Variants in HAVCR2 observed in about 807,000 individuals in gnomAD.
HAVCR2 encodes hepatitis A virus cellular receptor 2.
HAVCR2 carries 13 observed loss-of-function variants against 24.7 expected under a neutral mutation model. The observed-to-expected ratio is 0.53, with a 90% confidence interval of 0.34 to 0.84. The LOEUF (loss-of-function observed/expected upper bound fraction) is 0.84. HAVCR2 is among the 40% of genes least tolerant of loss of function. The probability of loss-of-function intolerance (pLI) is 0.01; values close to 1 mark genes in which losing one functional copy is unlikely to be tolerated. For synonymous variants in HAVCR2, 154 were observed against 143.4 expected (o/e 1.07, Z -0.53); for missense variants, 343 against 371.2 (o/e 0.92, Z 0.62).
chr5:157,098,960 C>T lies in HAVCR2; in HGVS notation c.479-59G>A, dbSNP rs548283426. The T allele has an allele frequency of 2.0e-4, 298 of 1,504,548 alleles. 3 individuals are homozygous for T. The highest frequency in any genetic ancestry group is 1.9e-3 in the South Asian group (159 of 82,916). 93.2% of individuals were successfully genotyped at this position (1,504,548 alleles called of 1,614,324 possible). On this transcript the variant is annotated intron_variant, in intron 3 of 6. Coordinates refer to ENST00000307851, the MANE Select transcript of HAVCR2 (RefSeq NM_032782.5). ...AAATAGCCAATAGTATAGTTAAGAA[C>T]GTTTTCTTTTATCTAAGTTTTTAAA...
chr5:157,092,909 A>AAAAC (rs1757027554), intron 5 of HAVCR2, among the ~76,000 whole-genome samples: 1 of 115,478 alleles, frequency 8.7e-6, no homozygotes, highest in Non-Finnish European at 1.7e-5. Context: ...AAAAAAAAAA[A>AAAAC]AAAAAAAAAC....
intron 3 of HAVCR2, among the ~76,000 whole-genome samples, chr5:157,100,527 C>T (rs1452833565): frequency 3.3e-5 from 5 of 152,172 alleles, no homozygotes; most frequent in African/African-American, 1.2e-4. Context: ...GCCCTGACCT[C>T]ATGAACACTG....
At chr5:157,087,875 C>A (rs547677585) in intron 6 of HAVCR2, among the ~76,000 whole-genome samples, 131 of 149,336 alleles carry the variant, frequency 8.8e-4, no homozygotes, top group African/African-American at 2.8e-3. Flanking sequence ...TGCACTCCAG[C>A]CTGGGTGACA....
chr5:157,095,325 G>T lies in HAVCR2; in HGVS notation c.657C>A (p.Phe219Leu). The change falls in exon 5 of 7, where the codon TTC becomes TTA. Residue 219 changes from phenylalanine to leucine, a missense_variant. Physicochemically the swap from Phe to Leu is conservative, Grantham distance 22. Coordinates refer to ENST00000307851, the MANE Select transcript of HAVCR2 (RefSeq NM_032782.5). ...ACTTACATTTGAAAATTAAAGCGCCGAAGATAAGAGCCAGAGCCAGCCCAG... is the reference window on the plus strand; with the variant it reads ...ACTTACATTTGAAAATTAAAGCGCCTAAGATAAGAGCCAGAGCCAGCCCAG... ...ICAGLALALI[F>L]GALIFKWYSH... The T allele has an allele frequency of 1.9e-6, 3 of 1,613,622 alleles. No individual in the cohort carries two copies. The highest frequency in any genetic ancestry group is 2.5e-6 in the Non-Finnish European group (3 of 1,179,886).
intron 6 of HAVCR2, among the ~76,000 whole-genome samples, chr5:157,087,771 G>C (rs1441836801): frequency 1.3e-5 from 2 of 151,930 alleles, no homozygotes; most frequent in Non-Finnish European, 2.9e-5. Context: ...CAGCGTGGTG[G>C]CATGCACCTG....
At position 157,106,610 on chromosome 5, in the gene HAVCR2, T is replaced by G; in HGVS notation, c.394+17A>C. On this transcript the variant is annotated intron_variant, in intron 2 of 6. Coordinates refer to ENST00000307851, the MANE Select transcript of HAVCR2 (RefSeq NM_032782.5). ...ATAAATCTTATTCATAAAGATGGCATGCAAATGTCCACTCACCTGGTTTGA... is the reference window on the plus strand; with the variant it reads ...ATAAATCTTATTCATAAAGATGGCAGGCAAATGTCCACTCACCTGGTTTGA... The G allele has an allele frequency of 2.5e-6, 4 of 1,588,100 alleles. No individual in the cohort carries two copies. Among genetic ancestry groups the G allele is most frequent in the Non-Finnish European group, 3.5e-6 (4 of 1,156,538 alleles).
At chr5:157,098,966 C>T (rs1757132721) in intron 3 of HAVCR2, 65 bp from the exon 4 acceptor site, 1 of 1,469,576 alleles carries the variant, frequency 6.8e-7, no homozygotes, top group South Asian at 1.2e-5. Flanking sequence ...AGAACGTTTT[C>T]TTTTATCTAA....
At position 157,088,929 on chromosome 5, in the gene HAVCR2, C is replaced by T; in HGVS notation, c.713+12G>A. The T allele has an allele frequency of 6.2e-7, 1 of 1,607,608 alleles. No homozygotes were observed. Among genetic ancestry groups the T allele is most frequent in the East Asian group, 2.2e-5 (1 of 44,664 alleles). Reference sequence around the variant, plus strand: ...TTCTCACCTTTTCCCAACCCCATTCCATTATTCTTACCTTAAATTCTGTAT... The same window carrying T: ...TTCTCACCTTTTCCCAACCCCATTCTATTATTCTTACCTTAAATTCTGTAT... On this transcript the variant is annotated intron_variant, in intron 6 of 6. Coordinates refer to ENST00000307851, the MANE Select transcript of HAVCR2 (RefSeq NM_032782.5).
intron 5 of HAVCR2, among the ~76,000 whole-genome samples, chr5:157,093,102 C>T (rs1323865895): frequency 1.5e-5 from 2 of 131,810 alleles, no homozygotes; most frequent in African/African-American, 7.6e-5. Context: ...TATGTGTATA[C>T]ATATATATAC....
At chr5:157,094,693 T>C (rs1757066889) in intron 5 of HAVCR2, among the ~76,000 whole-genome samples, 1 of 151,260 alleles carries the variant, frequency 6.6e-6, no homozygotes, top group South Asian at 2.1e-4. Flanking sequence ...TGTTTTTTTG[T>C]TTTTGTTTGT....
chr5:157,108,786 CA>C lies in HAVCR2; in HGVS notation c.58+139del, dbSNP rs1409901423. ...CATGATTATATCACATTTATTTACC[CA>C]CTCCCTCATCGACGGACATTTAGGT... On this transcript the variant is annotated intron_variant, in intron 1 of 6. Coordinates refer to ENST00000307851, the MANE Select transcript of HAVCR2 (RefSeq NM_032782.5). 5.0e-6 allele frequency: 3 copies of C among 595,766 alleles called. No homozygotes were observed. The African/African-American group carries it at 5.5e-5, about 11-fold the overall frequency. 36.9% of individuals were successfully genotyped at this position (595,766 alleles called of 1,614,324 possible). A position where few individuals can be genotyped will look rare whatever the true frequency, so the allele number is the denominator to read the frequency against.
chr5:157,102,266 G>A (rs748974474), intron 3 of HAVCR2, among the ~76,000 whole-genome samples: 1 of 151,682 alleles, frequency 6.6e-6, no homozygotes, highest in African/African-American at 2.4e-5. Context: ...TAGAGATGGG[G>A]TTTTGCCATG....
At chr5:157,103,309 T>G (rs890548359) in intron 3 of HAVCR2, among the ~76,000 whole-genome samples, 1 of 151,724 alleles carries the variant, frequency 6.6e-6, no homozygotes, top group African/African-American at 2.4e-5. Context: ...AGGCGGAACT[T>G]GCAGTGAGCC....
At chr5:157,088,509 G>C (rs886996357) in intron 6 of HAVCR2, among the ~76,000 whole-genome samples, 2 of 152,012 alleles carry the variant, frequency 1.3e-5, no homozygotes, top group Non-Finnish European at 2.9e-5. Flanking sequence ...TCAGTGCCTG[G>C]GTGATTCTAA....
At chr5:157,098,308 G>A (rs1440685661) in intron 4 of HAVCR2, among the ~76,000 whole-genome samples, 9 of 152,120 alleles carry the variant, frequency 5.9e-5, no homozygotes, top group South Asian at 2.1e-4. Flanking sequence ...TCGGAAGGCT[G>A]AGGCAGGAGA....
chr5:157,091,182 C>G (rs548245438), intron 5 of HAVCR2, among the ~76,000 whole-genome samples: 1 of 152,182 alleles, frequency 6.6e-6, no homozygotes, highest in Non-Finnish European at 1.5e-5. Flanking sequence ...CGGTGGCTCA[C>G]GCCTATAATC....
At chr5:157,089,815 A>G (rs386465925) in intron 5 of HAVCR2, among the ~76,000 whole-genome samples, 164 of 152,262 alleles carry the variant, frequency 1.1e-3, no homozygotes, top group Non-Finnish European at 2.0e-3. Context: ...GCGGCCCAAG[A>G]TAAGGTCTGA....
At chr5:157,093,968 T>C (rs1022369136) in intron 5 of HAVCR2, among the ~76,000 whole-genome samples, 1 of 151,924 alleles carries the variant, frequency 6.6e-6, no homozygotes, top group Admixed American at 6.6e-5. Flanking sequence ...GTACTGGAAG[T>C]ATTTAGATCT....
intron 4 of HAVCR2, among the ~76,000 whole-genome samples, chr5:157,097,997 C>T (rs182347226): frequency 6.6e-6 from 1 of 152,224 alleles, no homozygotes; most frequent in East Asian, 1.9e-4. Flanking sequence ...ACTGGCTGGG[C>T]ACCATGGCTC....
Sources: gnomAD v4.1 joint callset for allele counts (sites outside exome capture counted in the v4.1 genomes callset) on GRCh38, gnomAD v4.1.1 for gene constraint, MANE v1.5 for transcripts, NCBI Gene and HGNC (gene_info 2026-07-23, HGNC 2026-07-21) for gene names.